Variants in PITPNC1 observed in about 807,000 individuals in gnomAD.
The protein encoded by PITPNC1 is phosphatidylinositol transfer protein cytoplasmic 1.
PITPNC1 carries 18 observed loss-of-function variants against 44.7 expected under a neutral mutation model. The observed-to-expected ratio is 0.40, with a 90% CI of 0.28 to 0.60. The LOEUF is 0.60. PITPNC1 is among the 20% of genes least tolerant of loss of function. The pLI is 0.39. For synonymous variants in PITPNC1, 141 were observed against 149.6 expected (o/e 0.94, Z 0.42); for missense variants, 290 against 418.4 (o/e 0.69, Z 2.68).
chr17:67,646,509 T>C (rs1451782586), intron 6 of PITPNC1, among the ~76,000 whole-genome samples: 1 of 152,194 alleles, frequency 6.6e-6, no homozygotes, highest in African/African-American at 2.4e-5. Context: ...TTTTAGAAGG[T>C]ATGGAACTAA....
intron 6 of PITPNC1, among the ~76,000 whole-genome samples, chr17:67,645,179 A>G (rs1217494597): frequency 2.0e-5 from 3 of 152,052 alleles, no homozygotes; most frequent in South Asian, 2.1e-4. Flanking sequence ...CATCTCTACT[A>G]AAAATACAAA....
chr17:67,489,654 AG>A (rs1343792765), intron 1 of PITPNC1, among the ~76,000 whole-genome samples: 1 of 152,238 alleles, frequency 6.6e-6, no homozygotes, highest in Non-Finnish European at 1.5e-5. Flanking sequence ...ATATGCAGCC[AG>A]GGTTCTGTAG....
chr17:67,468,493 C>T (rs568653546), intron 1 of PITPNC1, among the ~76,000 whole-genome samples: 2 of 150,434 alleles, frequency 1.3e-5, no homozygotes, highest in Admixed American at 6.6e-5. Context: ...GCTCTGCCTC[C>T]CAGGTTCTGG....
At chr17:67,552,229 A>G (rs773777003) in intron 2 of PITPNC1, 28 bp from the exon 3 acceptor site, 8 of 1,167,830 alleles carry the variant, frequency 6.9e-6, no homozygotes, top group East Asian at 2.3e-5. Flanking sequence ...ACAGACTCCA[A>G]TTGTCTTTTT....
intron 1 of PITPNC1, among the ~76,000 whole-genome samples, chr17:67,443,839 T>C (rs923320749): frequency 1.3e-5 from 2 of 151,926 alleles, no homozygotes; most frequent in African/African-American, 4.8e-5. Flanking sequence ...TTTGCCATGT[T>C]GGCCAGGCTG....
At chr17:67,422,235 A>G (rs1035705853) in intron 1 of PITPNC1, among the ~76,000 whole-genome samples, 4 of 152,160 alleles carry the variant, frequency 2.6e-5, no homozygotes, top group Non-Finnish European at 4.4e-5. Context: ...GGCTATTAAT[A>G]CATTCCTTTG....
intron 1 of PITPNC1, among the ~76,000 whole-genome samples, chr17:67,504,863 T>C (rs929391367): frequency 3.9e-5 from 6 of 152,232 alleles, no homozygotes; most frequent in Non-Finnish European, 5.9e-5. Flanking sequence ...TTTTAATATA[T>C]GCATTTACAG....
chr17:67,623,142 GA>G, intron 5 of PITPNC1, among the ~76,000 whole-genome samples: 1 of 142,312 alleles, frequency 7.0e-6, no homozygotes, highest in Non-Finnish European at 1.5e-5. Context: ...AGTTATAGTA[GA>G]GAGGATCAGT....
At chr17:67,390,172 A>G (rs1567972145) in intron 1 of PITPNC1, among the ~76,000 whole-genome samples, 1 of 152,178 alleles carries the variant, frequency 6.6e-6, no homozygotes, top group Non-Finnish European at 1.5e-5. Context: ...AGCTTTCCAG[A>G]GGAGGAGGTT....
chr17:67,615,938 G>A (rs185924401), intron 5 of PITPNC1, among the ~76,000 whole-genome samples: 1 of 152,238 alleles, frequency 6.6e-6, no homozygotes, highest in East Asian at 1.9e-4. Context: ...GCAGCCCAGA[G>A]GAGAATTCGG....
intron 1 of PITPNC1, among the ~76,000 whole-genome samples, chr17:67,523,412 G>A (rs1055959946): frequency 9.9e-5 from 15 of 152,140 alleles, no homozygotes; most frequent in African/African-American, 2.7e-4. Context: ...AGTCAGACAT[G>A]TGGCCAACTA....
rs541492435 is a variant in PITPNC1 at position 67,378,419 on chromosome 17, G to A, written c.48+217G>A. ...GGGTGGGGCGGCGGACTCCGGGTGG[G>A]CTTTTCGGGGGCGCCCAGAATCCAG... On this transcript the variant is annotated intron_variant, in intron 1 of 8. Transcript: ENST00000581322. Among the ~76,000 whole-genome samples, 153 of 152,254 alleles carry A rather than the reference G, an allele frequency of 1.0e-3. 1 individual carries two copies. The East Asian group carries it at 0.029, about 28-fold the overall frequency.
intron 1 of PITPNC1, among the ~76,000 whole-genome samples, chr17:67,385,493 T>C (rs954599868): frequency 0.011 from 973 of 92,346 alleles, 20 homozygotes; most frequent in Admixed American, 0.077. Context: ...CCCCCTCCCC[T>C]CCCCCCAGGC....
chr17:67,670,974 C>A (rs60508749), intron 7 of PITPNC1, among the ~76,000 whole-genome samples: 1 of 151,914 alleles, frequency 6.6e-6, no homozygotes, highest in East Asian at 1.9e-4. Context: ...CTCTGCCTCC[C>A]GGGTTCAAGT....
intron 7 of PITPNC1, among the ~76,000 whole-genome samples, chr17:67,672,269 TA>T (rs1270616251): frequency 6.6e-6 from 1 of 151,924 alleles, no homozygotes; most frequent in Non-Finnish European, 1.5e-5. Context: ...GCATATTTAA[TA>T]AGGCAGAGTT....
At chr17:67,575,236 C>T (rs1224136737) in intron 4 of PITPNC1, among the ~76,000 whole-genome samples, 1 of 123,188 alleles carries the variant, frequency 8.1e-6, no homozygotes, top group Non-Finnish European at 1.8e-5. Context: ...GCCAGGGCAT[C>T]CCCCCACGTT....
intron 1 of PITPNC1, among the ~76,000 whole-genome samples, chr17:67,391,346 A>G (rs1189655688): frequency 6.6e-6 from 1 of 152,076 alleles, no homozygotes; most frequent in East Asian, 1.9e-4. Context: ...GCCCCATGTC[A>G]TCTTACACAC....
At position 67,462,899 on chromosome 17, in the gene PITPNC1, T is replaced by C. The variant is rs961407591; in HGVS notation, c.49-69903T>C. 3.3e-5 allele frequency among the ~76,000 whole-genome samples: 5 copies of C among 152,146 alleles called. No individual in the cohort carries two copies. The East Asian group carries it at 9.7e-4, about 30-fold the overall frequency. On this transcript the variant is annotated intron_variant, in intron 1 of 8. Coordinates refer to ENST00000581322, the MANE Select transcript of PITPNC1 (RefSeq NM_012417.4). Reference sequence around the variant, plus strand: ...GTATTTTTAGTAGAGGCGGGGTTTCTGCATGTTGGTTAGGTTGGTCTCGAA... The same window carrying C: ...GTATTTTTAGTAGAGGCGGGGTTTCCGCATGTTGGTTAGGTTGGTCTCGAA...
At chr17:67,576,466 T>A (rs2041151612) in intron 4 of PITPNC1, among the ~76,000 whole-genome samples, 1 of 152,182 alleles carries the variant, frequency 6.6e-6, no homozygotes. Context: ...ACTGGAATCA[T>A]GTATAAGGGA....
Sources: allele counts gnomAD v4.1 joint callset (sites outside exome capture counted in the v4.1 genomes callset), GRCh38; gene constraint gnomAD v4.1.1; transcripts MANE v1.5; gene names NCBI Gene and HGNC (gene_info 2026-07-23, HGNC 2026-07-21).